Variants in STIM1 observed in about 807,000 individuals in gnomAD.
The protein encoded by STIM1 is stromal interaction molecule 1.
STIM1 carries 25 observed loss-of-function variants against 74.7 expected under a neutral mutation model. The ratio of observed to expected loss-of-function variants is 0.33; its 90% CI spans 0.24 to 0.47. The LOEUF (loss-of-function observed/expected upper bound fraction) is 0.47, where lower values mean the gene tolerates loss of function less well. Among genes scored for constraint, STIM1 ranks in the 20% least tolerant of loss-of-function variants. STIM1 has a pLI of 1.00. For missense variants in STIM1, 728 were observed against 920.8 expected, an observed-to-expected ratio of 0.79 and a Z score of 2.71; for synonymous variants, 328 against 348.8, an observed-to-expected ratio of 0.94 and a Z score of 0.66.
At chr11:3,943,887 T>C (rs1849081541) in intron 1 of STIM1, among the ~76,000 whole-genome samples, 1 of 152,266 alleles carries the variant, frequency 6.6e-6, no homozygotes, top group Non-Finnish European at 1.5e-5. Flanking sequence ...ATCACGTATA[T>C]ACACAGATTC....
In STIM1 at chr11:4,031,877, G is replaced by C. The variant is rs567220352; in HGVS notation, c.385+7890G>C. ...AAGAGCAGAAAGTTGTAATTTTGAC[G>C]AAGTCCAGTTTATCAATTTGTTTTT... is the stretch of plus-strand genomic sequence containing the variant. On this transcript the variant is annotated intron_variant, in intron 3 of 12. Transcript: ENST00000526596. 6.6e-5 allele frequency among the ~76,000 whole-genome samples: 10 copies of C among 152,280 alleles called. No individual in the cohort carries two copies. In the South Asian group the frequency reaches 1.0e-3, roughly 16 times the overall value.
In STIM1 at chr11:4,083,697, T is replaced by C. The variant is rs1843370381; in HGVS notation, c.1474+199T>C. 4.8e-6 allele frequency: 3 copies of C among 619,740 alleles called. No homozygotes were observed. In the Admixed American group the frequency reaches 7.9e-5, roughly 16 times the overall value. 38.4% of individuals were successfully genotyped at this position (619,740 alleles called of 1,614,324 possible). On this transcript the variant is annotated intron_variant, in intron 10 of 12. Coordinates refer to ENST00000526596, the MANE Select transcript of STIM1 (RefSeq NM_001382567.1). ...CTTTTGGTGTTCTTTCCTTGTTGTA[T>C]GCTCTGTGTGCCCCTTTGGGTCTAT...
intron 1 of STIM1, among the ~76,000 whole-genome samples, chr11:3,903,968 G>A (rs1298509120): frequency 2.0e-5 from 3 of 152,138 alleles, no homozygotes; most frequent in African/African-American, 7.2e-5. Flanking sequence ...GGAGGCTGAG[G>A]CGGGTAGATC....
At chr11:3,915,978 A>G (rs2092637060) in intron 1 of STIM1, among the ~76,000 whole-genome samples, 1 of 152,116 alleles carries the variant, frequency 6.6e-6, no homozygotes, top group Admixed American at 6.6e-5. Flanking sequence ...GAGTCACTTT[A>G]ACCCAGGAAG....
At chr11:3,988,224 G>A (rs927253612) in intron 2 of STIM1, among the ~76,000 whole-genome samples, 2 of 152,174 alleles carry the variant, frequency 1.3e-5, no homozygotes, top group Non-Finnish European at 2.9e-5. Context: ...CATGGGGATT[G>A]TCAGGGAGAG....
chr11:4,046,691 C>T (rs1303036139), intron 3 of STIM1, among the ~76,000 whole-genome samples: 1 of 152,174 alleles, frequency 6.6e-6, no homozygotes, highest in Non-Finnish European at 1.5e-5. Context: ...GTTCTGCTGC[C>T]CAGGCTGGAG....
chr11:3,858,300 C>G (rs187985922), intron 1 of STIM1, among the ~76,000 whole-genome samples: 1 of 151,712 alleles, frequency 6.6e-6, no homozygotes, highest in African/African-American at 2.4e-5. Context: ...TCAGGACCAC[C>G]CCATGACTTG....
intron 1 of STIM1, among the ~76,000 whole-genome samples, chr11:3,925,314 A>C (rs1413681826): frequency 6.6e-6 from 1 of 152,166 alleles, no homozygotes; most frequent in Non-Finnish European, 1.5e-5. Flanking sequence ...AGAATCGCTT[A>C]AACCTGGGAG....
In STIM1 at chr11:4,023,983, A is replaced by G. The variant is rs949153774; in HGVS notation, c.381A>G (p.Ser127=). ...VEDLWKAWKS[S]EVYNWTVDEV... ...ACCTGTGGAAGGCATGGAAGTCATC[A>G]GAAGGTAATAGGCAGCCTGGTCATC... The change falls in exon 3 of 13, where the codon TCA becomes TCG. Residue 127 remains serine (S), a synonymous_variant. Coordinates refer to ENST00000526596, the MANE Select transcript of STIM1 (RefSeq NM_001382567.1). The G allele has an allele frequency of 1.2e-6, 2 of 1,613,130 alleles. No individual in the cohort carries two copies. The highest frequency in any genetic ancestry group is 8.5e-7 in the Non-Finnish European group (1 of 1,179,112).
At chr11:3,925,474 A>G (rs943378080) in intron 1 of STIM1, among the ~76,000 whole-genome samples, 9 of 152,254 alleles carry the variant, frequency 5.9e-5, no homozygotes, top group African/African-American at 2.2e-4. Context: ...AATAAGAAAG[A>G]ATAAATGTTT....
chr11:3,939,689 AACTGGTAT>A (rs2092980983), intron 1 of STIM1, among the ~76,000 whole-genome samples: 1 of 152,216 alleles, frequency 6.6e-6, no homozygotes, highest in Admixed American at 6.5e-5. Flanking sequence ...ACACTAGATC[AACTGGTAT>A]CCTCAGTGCT....
chr11:3,980,330 C>G (rs1022903801), intron 2 of STIM1, among the ~76,000 whole-genome samples: 1 of 152,146 alleles, frequency 6.6e-6, no homozygotes, highest in African/African-American at 2.4e-5. Context: ...TCAATGCTCC[C>G]ACCATTTGGC....
intron 1 of STIM1, among the ~76,000 whole-genome samples, chr11:3,919,561 A>C (rs1565115482): frequency 6.6e-6 from 1 of 152,110 alleles, no homozygotes. Flanking sequence ...ATAGTGACTC[A>C]TAGAGAACAG....
At chr11:4,019,638 C>CA (rs2093937173) in intron 2 of STIM1, among the ~76,000 whole-genome samples, 1 of 152,010 alleles carries the variant, frequency 6.6e-6, no homozygotes, top group African/African-American at 2.4e-5. Context: ...ACAACAACAA[C>CA]AAAAAACCCC....
In STIM1 at chr11:4,070,055, A is replaced by C; in HGVS notation, c.643A>C (p.Met215Leu). Residue 215 changes from methionine to leucine, a missense_variant, in exon 6 of 13, where the codon ATG becomes CTG. This residue lies in a region of STIM1 where 132 missense variants were observed against 158.2 expected (regional missense o/e 0.83). Coordinates refer to ENST00000526596, the MANE Select transcript of STIM1 (RefSeq NM_001382567.1). ...TCGCCATAATCACCTCAAGGACTTC[A>C]TGCTGGTGGTGTCTATCGTTATTGG... is the stretch of plus-strand genomic sequence containing the variant. ...LTRHNHLKDFMLVVSIVIGVG... is the reference protein window; with the variant it reads ...LTRHNHLKDFLLVVSIVIGVG... 6.2e-7 allele frequency: 1 copy of C among 1,614,112 alleles called. No homozygotes were observed. Among genetic ancestry groups the C allele is most frequent in the Non-Finnish European group, 8.5e-7 (1 of 1,179,998 alleles).
At chr11:3,919,283 G>T (rs1461185254) in intron 1 of STIM1, among the ~76,000 whole-genome samples, 4 of 152,186 alleles carry the variant, frequency 2.6e-5, no homozygotes, top group Admixed American at 6.5e-5. Flanking sequence ...TCGGCTTACT[G>T]CAACCTCTGC....
intron 1 of STIM1, among the ~76,000 whole-genome samples, chr11:3,948,777 CA>C (rs759668712): frequency 6.6e-6 from 1 of 152,180 alleles, no homozygotes; most frequent in Non-Finnish European, 1.5e-5. Context: ...TCTAAATCTC[CA>C]GTTCTACCAT....
chr11:4,000,987 T>C (rs922224189), intron 2 of STIM1, among the ~76,000 whole-genome samples: 19 of 152,106 alleles, frequency 1.2e-4, no homozygotes, highest in Non-Finnish European at 8.8e-5. Context: ...AGAGTATCAG[T>C]GACGGAAGAT....
intron 1 of STIM1, among the ~76,000 whole-genome samples, chr11:3,956,022 G>GAA (rs57545786): frequency 2.4e-5 from 3 of 123,360 alleles, no homozygotes; most frequent in Admixed American, 8.3e-5. Context: ...TGAAGTTATA[G>GAA]AAAAAAAAAA....
Sources: gnomAD v4.1 joint callset for allele counts (sites outside exome capture counted in the v4.1 genomes callset) on GRCh38, gnomAD v4.1.1 for gene constraint, gnomAD v4.1.1 regional missense constraint, MANE v1.5 for transcripts, NCBI Gene and HGNC (gene_info 2026-07-23, HGNC 2026-07-21) for gene names.